Variants in PLCZ1 observed in about 807,000 individuals in gnomAD.
PLCZ1 encodes phospholipase C zeta 1.
Under a neutral mutation model 76.8 loss-of-function variants are expected in PLCZ1, and 64 were observed. The observed-to-expected ratio is 0.83, with a 90% confidence interval of 0.68 to 1.03. The LOEUF (loss-of-function observed/expected upper bound fraction) is 1.03, where lower values mean the gene tolerates loss of function less well. Ranked by LOEUF, PLCZ1 falls within the 50% of genes least tolerant of loss-of-function variation. The pLI is 0.00. For synonymous variants in PLCZ1, 248 were observed against 230.8 expected (o/e 1.07, Z -0.68); for missense variants, 751 against 713.7 (o/e 1.05, Z -0.60).
chr12:18,731,000 G>A (rs558430169), intron 3 of PLCZ1: 1 of 152,104 alleles, frequency 6.6e-6, no homozygotes, highest in East Asian at 1.9e-4. Flanking sequence ...ATACCTTATG[G>A]CCACATGCAC....
At chr12:18,688,828 T>C (rs1012973363) in intron 12 of PLCZ1, among the ~76,000 whole-genome samples, 1 of 152,112 alleles carries the variant, frequency 6.6e-6, no homozygotes, top group Non-Finnish European at 1.5e-5. Context: ...ATTTGAAATG[T>C]ACTGACTTAG....
At chr12:18,733,488 T>C (rs1959162569) in intron 3 of PLCZ1, among the ~76,000 whole-genome samples, 1 of 152,198 alleles carries the variant, frequency 6.6e-6, no homozygotes, top group South Asian at 2.1e-4. Context: ...GACAAGTTTT[T>C]GTTACCTGTC....
intron 10 of PLCZ1, among the ~76,000 whole-genome samples, 167 bp from the exon 11 acceptor site, chr12:18,696,433 T>A (rs893998578): frequency 5.4e-5 from 8 of 149,228 alleles, no homozygotes; most frequent in African/African-American, 2.0e-4. Flanking sequence ...TCAAAATAAA[T>A]CCATGCCTTT....
the PLCZ1 span, among the ~76,000 whole-genome samples, chr12:18,660,873 A>T: frequency 1.3e-5 from 2 of 152,176 alleles, no homozygotes; most frequent in African/African-American, 4.8e-5. Flanking sequence ...AGAGTTTAAA[A>T]CAATTGATAG....
At chr12:18,683,876 G>A (rs1343200273) in intron 14 of PLCZ1, among the ~76,000 whole-genome samples, 2 of 151,790 alleles carry the variant, frequency 1.3e-5, no homozygotes, top group East Asian at 3.9e-4. Flanking sequence ...AGAAGAACTA[G>A]GATGCATGTA....
chr12:18,654,820 C>T, the PLCZ1 span, among the ~76,000 whole-genome samples: 1 of 152,064 alleles, frequency 6.6e-6, no homozygotes, highest in Non-Finnish European at 1.5e-5. Context: ...AACTCACCGA[C>T]TTCATCTCTC....
chr12:18,730,207 T>G (rs2150752028), intron 3 of PLCZ1, among the ~76,000 whole-genome samples: 1 of 152,188 alleles, frequency 6.6e-6, no homozygotes, highest in Non-Finnish European at 1.5e-5. Context: ...GGACTCATTT[T>G]ATTTACTCTG....
chr12:18,733,682 C>T (rs760142048), intron 3 of PLCZ1, among the ~76,000 whole-genome samples: 4 of 152,038 alleles, frequency 2.6e-5, no homozygotes, highest in Non-Finnish European at 4.4e-5. Context: ...TTTTTACATG[C>T]GAATATCCAG....
intron 2 of PLCZ1, 30 bp from the exon 3 acceptor site, chr12:18,736,374 T>C: frequency 1.2e-6 from 2 of 1,600,768 alleles, no homozygotes; most frequent in African/African-American, 1.3e-5. Flanking sequence ...AAGGAAATTC[T>C]CACAGAAAGT....
rs1952753907 is a variant in PLCZ1, at chr12:18,684,233, G to A, written c.1638C>T (p.Val546=). The change falls in exon 14 of 15, where the codon GTC becomes GTT. Residue 546 remains valine, a synonymous_variant. Coordinates refer to ENST00000266505, the MANE Select transcript of PLCZ1 (RefSeq NM_033123.4). ...CAAAACGTATCAATGCCAATTCTGG[G>A]ACATGAATAATAAATGTGAATGTTT... The part of the protein sequence containing the change: ...WNETFTFIIH[V]PELALIRFVV... 3 of 1,610,614 alleles carry A rather than the reference G, an allele frequency of 1.9e-6. No homozygotes were observed. Among genetic ancestry groups the A allele is most frequent in the Non-Finnish European group, 2.5e-6 (3 of 1,177,724 alleles).
At chr12:18,705,841 G>A (rs1956534282) in intron 6 of PLCZ1, among the ~76,000 whole-genome samples, 1 of 151,880 alleles carries the variant, frequency 6.6e-6, no homozygotes, top group South Asian at 2.1e-4. Flanking sequence ...ATTCCAGCCT[G>A]GGTGACAGAG....
chr12:18,663,455 A>G, the PLCZ1 span, among the ~76,000 whole-genome samples: 70 of 152,284 alleles, frequency 4.6e-4, no homozygotes, highest in Admixed American at 8.5e-4. Flanking sequence ...TAAACTACAT[A>G]GGAGGATATG....
chr12:18,715,418 T>TA (rs1397521536), intron 5 of PLCZ1, among the ~76,000 whole-genome samples: 1 of 151,692 alleles, frequency 6.6e-6, no homozygotes, highest in Non-Finnish European at 1.5e-5. Flanking sequence ...TTGTTTTTTT[T>TA]AGAGACAGAG....
chr12:18,650,001 T>C, the PLCZ1 span, among the ~76,000 whole-genome samples: 2 of 152,068 alleles, frequency 1.3e-5, no homozygotes, highest in Non-Finnish European at 2.9e-5. Flanking sequence ...TTTAATGATC[T>C]CATCTCTCAA....
chr12:18,734,622 A>G (rs1038399845), intron 3 of PLCZ1, among the ~76,000 whole-genome samples: 4 of 152,204 alleles, frequency 2.6e-5, no homozygotes, highest in African/African-American at 9.6e-5. Flanking sequence ...AAGTGCTGTG[A>G]TTACAGGCAT....
the PLCZ1 span, among the ~76,000 whole-genome samples, chr12:18,654,294 T>TA: frequency 0.066 from 9,402 of 142,610 alleles, 421 homozygotes; most frequent in East Asian, 0.19. Flanking sequence ...CACTAGTACC[T>TA]AAAAAAAAAA....
At chr12:18,719,020 T>C (rs986928365) in intron 5 of PLCZ1, among the ~76,000 whole-genome samples, 6 of 152,294 alleles carry the variant, frequency 3.9e-5, no homozygotes, top group Non-Finnish European at 8.8e-5. Flanking sequence ...TGTATTTATG[T>C]GTTGGCTTTA....
chr12:18,657,003 G>A, the PLCZ1 span, among the ~76,000 whole-genome samples: 2 of 152,088 alleles, frequency 1.3e-5, no homozygotes, highest in Non-Finnish European at 2.9e-5. Context: ...ATATGACAGA[G>A]AGTAAAATAG....
intron 3 of PLCZ1, among the ~76,000 whole-genome samples, chr12:18,732,980 G>A (rs1959138090): frequency 6.6e-6 from 1 of 152,096 alleles, no homozygotes; most frequent in Admixed American, 6.5e-5. Flanking sequence ...ACCCAGAAAT[G>A]GGATTGCTGG....
Sources: gnomAD v4.1 joint callset for allele counts (sites outside exome capture counted in the v4.1 genomes callset) on GRCh38, gnomAD v4.1.1 for gene constraint, MANE v1.5 for transcripts, NCBI Gene and HGNC (gene_info 2026-07-23, HGNC 2026-07-21) for gene names.